Variants in MACO1 observed in about 807,000 individuals in gnomAD.
MACO1 encodes macoilin 1.
In MACO1, 14 loss-of-function variants were observed where a neutral mutation model predicts 78.7. That is an observed-to-expected ratio of 0.18 (90% CI 0.12 to 0.28). The LOEUF is 0.28. Among genes scored for constraint, MACO1 ranks in the 10% least tolerant of loss-of-function variants. The pLI is 1.00. For missense variants in MACO1, 501 were observed against 799.0 expected (o/e 0.63, Z 4.50); for synonymous variants, 288 against 291.6 (o/e 0.99, Z 0.12).
At chr1:25,452,270 C>T (rs1234254270) in intron 3 of MACO1, among the ~76,000 whole-genome samples, 2 of 152,082 alleles carry the variant, frequency 1.3e-5, no homozygotes, top group Non-Finnish European at 2.9e-5. Flanking sequence ...TGATTTTTTC[C>T]CCCTCGTGCC....
intron 1 of MACO1, among the ~76,000 whole-genome samples, 194 bp from the exon 2 acceptor site, chr1:25,446,568 G>C (rs1364527531): frequency 1.3e-5 from 2 of 152,054 alleles, no homozygotes; most frequent in African/African-American, 4.8e-5. Flanking sequence ...TGATAGTTTT[G>C]GGTCTGAGAA....
rs759726969 is a variant in MACO1 at position 25,491,416 on chromosome 1, C to T, written c.1624C>T (p.Arg542Trp). 5.0e-6 allele frequency: 8 copies of T among 1,614,080 alleles called. No homozygotes were observed. Among genetic ancestry groups the T allele is most frequent in the Non-Finnish European group, 5.1e-6 (6 of 1,180,000 alleles). The change falls in exon 10 of 11, where the codon CGG becomes TGG. Residue 542 changes from arginine to tryptophan, a missense_variant. Transcript: ENST00000374343. ...RELELKVQELRKYKENEKDTE... is the reference protein window; with the variant it reads ...RELELKVQELWKYKENEKDTE... ...GTTTTGATGATATTGATAGGAGCTTCGGAAATATAAGGAAAATGAGAAGGA... is the reference window on the plus strand; with the variant it reads ...GTTTTGATGATATTGATAGGAGCTTTGGAAATATAAGGAAAATGAGAAGGA...
intron 9 of MACO1, among the ~76,000 whole-genome samples, chr1:25,489,753 G>C (rs1175487427): frequency 6.6e-6 from 1 of 152,188 alleles, no homozygotes; most frequent in African/African-American, 2.4e-5. Flanking sequence ...TTTATGGGCT[G>C]TGTATACTTT....
chr1:25,458,499 A>T lies in MACO1; in HGVS notation c.761A>T (p.Glu254Val), dbSNP rs1432940082. ...STTLPEIEYR[E>V]KGKEKDKDAK... The stretch of plus-strand genomic sequence containing the variant: ...ACTTTGCCAGAGATAGAATACCGAG[A>T]AAAAGGGAAAGAAAAGGACAAGGAT... Residue 254 changes from glutamate to valine, a missense_variant, in exon 6 of 11, where the codon GAA becomes GTA. Coordinates refer to ENST00000374343, the MANE Select transcript of MACO1 (RefSeq NM_018202.6). 1 of 1,613,930 alleles carries T rather than the reference A, an allele frequency of 6.2e-7. No homozygotes were observed. Among genetic ancestry groups the T allele is most frequent in the Non-Finnish European group, 8.5e-7 (1 of 1,180,004 alleles).
chr1:25,435,888 A>G (rs1440788794), intron 1 of MACO1, among the ~76,000 whole-genome samples: 1 of 152,212 alleles, frequency 6.6e-6, no homozygotes, highest in Non-Finnish European at 1.5e-5. Flanking sequence ...CACTGGGATG[A>G]AAAAGCACTT....
chr1:25,479,332 T>C (rs2043349819), intron 6 of MACO1, among the ~76,000 whole-genome samples: 2 of 152,236 alleles, frequency 1.3e-5, no homozygotes, highest in Non-Finnish European at 2.9e-5. Flanking sequence ...GGGTTAAGTA[T>C]GCCATTAAGA....
intron 6 of MACO1, among the ~76,000 whole-genome samples, chr1:25,478,413 C>T (rs2043341723): frequency 6.6e-6 from 1 of 152,274 alleles, no homozygotes; most frequent in South Asian, 2.1e-4. Context: ...ATCTCTTCCT[C>T]TTAAAATTAA....
At chr1:25,479,635 T>A (rs1424264514) in intron 6 of MACO1, among the ~76,000 whole-genome samples, 1 of 152,100 alleles carries the variant, frequency 6.6e-6, no homozygotes, top group Non-Finnish European at 1.5e-5. Flanking sequence ...TCTCGAACTC[T>A]TGACCTCAGA....
intron 8 of MACO1, among the ~76,000 whole-genome samples, chr1:25,487,711 C>T (rs1200938239): frequency 2.6e-5 from 4 of 152,156 alleles, no homozygotes; most frequent in Non-Finnish European, 4.4e-5. Context: ...AGTCCCAATG[C>T]GTAGCCCCTC....
chr1:25,475,550 C>CAAAAA (rs1162367298), intron 6 of MACO1, among the ~76,000 whole-genome samples: 1 of 56,978 alleles, frequency 1.8e-5, no homozygotes, highest in Admixed American at 1.9e-4. Context: ...CCAGGCTCTA[C>CAAAAA]AAAAAAAAAA....
intron 1 of MACO1, among the ~76,000 whole-genome samples, chr1:25,431,785 A>T (rs2042874540): frequency 6.6e-6 from 1 of 152,182 alleles, no homozygotes; most frequent in Non-Finnish European, 1.5e-5. Context: ...GATACCCCCA[A>T]ATCATGCCCT....
chr1:25,433,598 C>T (rs137897793), intron 1 of MACO1, among the ~76,000 whole-genome samples: 2 of 152,122 alleles, frequency 1.3e-5, no homozygotes, highest in Admixed American at 1.3e-4. Context: ...TTCATGTTCT[C>T]AGTCTGTACA....
chr1:25,473,391 T>C (rs1410406187), intron 6 of MACO1, among the ~76,000 whole-genome samples: 1 of 152,186 alleles, frequency 6.6e-6, no homozygotes, highest in East Asian at 1.9e-4. Context: ...AATGTCTCCA[T>C]ATCTAAGAGG....
chr1:25,431,678 C>T (rs564226207), intron 1 of MACO1, among the ~76,000 whole-genome samples: 1 of 152,226 alleles, frequency 6.6e-6, no homozygotes, highest in South Asian at 2.1e-4. Flanking sequence ...CCTCGTTCCC[C>T]CAAGCTGCCA....
chr1:25,493,290 G>A (rs1019478899), intron 10 of MACO1, among the ~76,000 whole-genome samples: 2 of 152,156 alleles, frequency 1.3e-5, no homozygotes, highest in African/African-American at 4.8e-5. Context: ...CCAGGCTGGA[G>A]TGCAGTGGCA....
rs1280258651 is a variant in MACO1 at position 25,500,017 on chromosome 1, A to G, written c.*1551A>G. ...ATCATCTTGTGTAATTGTCACCATG[A>G]AAGTGTTACTCAGAATTGTCATAGA... is the stretch of plus-strand genomic sequence containing the variant. On this transcript the variant is annotated 3_prime_UTR_variant, in exon 11 of 11. Coordinates refer to ENST00000374343, the MANE Select transcript of MACO1 (RefSeq NM_018202.6). 2 of 152,188 alleles carry G rather than the reference A, an allele frequency of 1.3e-5. No individual in the cohort carries two copies. The highest frequency in any genetic ancestry group is 4.8e-5 in the African/African-American group (2 of 41,430). 9.4% of individuals were successfully genotyped at this position (152,188 alleles called of 1,614,324 possible). A position where few individuals can be genotyped will look rare whatever the true frequency, so the allele number is the denominator to read the frequency against.
In MACO1 at chr1:25,448,883, CTT is replaced by C; in HGVS notation, c.305_306del (p.Phe102CysfsTer3). ...ICLLFIPIQW[L>X]FFAASTYVWV... The stretch of plus-strand genomic sequence containing the variant: ...CCTGCTGTTCATCCCCATACAGTGG[CTT>C]TTTTTTGCTGCTAGCACATATGTAT... On this transcript the variant is annotated frameshift_variant, in exon 3 of 11. Coordinates refer to ENST00000374343, the MANE Select transcript of MACO1 (RefSeq NM_018202.6). LOFTEE classifies it high-confidence loss of function. 6.5e-7 allele frequency: 1 copy of C among 1,548,726 alleles called. No homozygotes were observed. The highest frequency in any genetic ancestry group is 8.8e-7 in the Non-Finnish European group (1 of 1,135,608).
At chr1:25,437,135 A>C (rs1190108358) in intron 1 of MACO1, among the ~76,000 whole-genome samples, 4 of 110,894 alleles carry the variant, frequency 3.6e-5, no homozygotes, top group South Asian at 2.4e-4. Context: ...TCTTCAAAAC[A>C]CTTTTTTTTT....
In MACO1 at chr1:25,468,711, G is replaced by A. The variant is rs191360489; in HGVS notation, c.1154+9819G>A. On this transcript the variant is annotated intron_variant, in intron 6 of 10. Transcript: ENST00000374343. ...AGACTTGAGAGCCTGAAAGGAAATG[G>A]GGAAAACATTGCTCAGGATTTTTTC... Among the ~76,000 whole-genome samples, 7 of 152,206 alleles carry A rather than the reference G, an allele frequency of 4.6e-5. No homozygotes were observed. The East Asian group carries it at 1.2e-3, about 25-fold the overall frequency.
Sources: gnomAD v4.1 joint callset for allele counts (sites outside exome capture counted in the v4.1 genomes callset) on GRCh38, gnomAD v4.1.1 for gene constraint, MANE v1.5 for transcripts, NCBI Gene and HGNC (gene_info 2026-07-23, HGNC 2026-07-21) for gene names.